Variants in IL1RAPL1 observed in about 807,000 individuals in gnomAD.
IL1RAPL1 encodes interleukin 1 receptor accessory protein like 1, also known as interleukin-1 receptor accessory protein-like 1.
In IL1RAPL1, 3 loss-of-function variants were observed where a neutral mutation model predicts 48.4. The observed-to-expected ratio is 0.06, with a 90% CI of 0.03 to 0.16. IL1RAPL1 has a LOEUF of 0.16. Among genes scored for constraint, IL1RAPL1 ranks in the 10% least tolerant of loss-of-function variants. The pLI, the probability that IL1RAPL1 is intolerant of heterozygous loss-of-function variation, is 1.00. For synonymous variants in IL1RAPL1, 185 were observed against 187.7 expected (o/e 0.99, Z 0.12); for missense variants, 349 against 530.6 (o/e 0.66, Z 3.36).
chrX:28,607,489 C>G (rs1339152299), intron 1 of IL1RAPL1, among the ~76,000 whole-genome samples: 7 of 110,713 alleles, frequency 6.3e-5, no homozygotes, highest in Non-Finnish European at 9.4e-5. Flanking sequence ...CAGGTAGTCA[C>G]CACTTCCCAC....
intron 2 of IL1RAPL1, among the ~76,000 whole-genome samples, chrX:29,176,722 A>C (rs17282570): frequency 2.1e-4 from 23 of 110,535 alleles, no homozygotes; most frequent in African/African-American, 6.6e-4. Flanking sequence ...TGGTGAATAG[A>C]CTTTCTGTAT....
At chrX:28,937,015 A>G (rs758581198) in intron 2 of IL1RAPL1, among the ~76,000 whole-genome samples, 1 of 111,017 alleles carries the variant, frequency 9.0e-6, no homozygotes, top group African/African-American at 3.3e-5. Flanking sequence ...ATCGTCTAGC[A>G]TAGTCATTTA....
chrX:29,586,560 T>A (rs1923169726), intron 5 of IL1RAPL1, among the ~76,000 whole-genome samples: 1 of 112,021 alleles, frequency 8.9e-6, no homozygotes, highest in African/African-American at 3.2e-5. Flanking sequence ...GAATTTTTTT[T>A]ACCTATTTCT....
At chrX:29,209,802 G>C (rs192430957) in intron 2 of IL1RAPL1, among the ~76,000 whole-genome samples, 28 of 112,216 alleles carry the variant, frequency 2.5e-4, no homozygotes, top group Non-Finnish European at 3.8e-4. Flanking sequence ...TACTTAATTT[G>C]ACTAAGTAGT....
chrX:29,322,323 A>T (rs1296070264), intron 3 of IL1RAPL1, among the ~76,000 whole-genome samples: 3 of 105,572 alleles, frequency 2.8e-5, no homozygotes, highest in African/African-American at 1.1e-4. Context: ...CTGGAGTGCA[A>T]TGGCACCAGC....
intron 8 of IL1RAPL1, among the ~76,000 whole-genome samples, chrX:29,940,152 C>T (rs1019676171): frequency 9.0e-6 from 1 of 111,045 alleles, no homozygotes; most frequent in South Asian, 3.8e-4. Flanking sequence ...TGTGAGCCAC[C>T]GTGCCCAGTC....
At chrX:29,103,915 A>C (rs1928395684) in intron 2 of IL1RAPL1, among the ~76,000 whole-genome samples, 2 of 111,980 alleles carry the variant, frequency 1.8e-5, no homozygotes, top group Non-Finnish European at 3.8e-5. Context: ...TCAAAACTAC[A>C]ATGAGATATC....
At chrX:28,646,130 G>T (rs192661789) in intron 1 of IL1RAPL1, among the ~76,000 whole-genome samples, 97 of 112,076 alleles carry the variant, frequency 8.7e-4, no homozygotes, top group Non-Finnish European at 1.6e-3. Context: ...TTCCATGGAC[G>T]GGGTCTGGGG....
At chrX:29,558,705 G>T (rs1308738260) in intron 5 of IL1RAPL1, among the ~76,000 whole-genome samples, 1 of 111,781 alleles carries the variant, frequency 8.9e-6, no homozygotes, top group Non-Finnish European at 1.9e-5. Context: ...TGAGTTGGTT[G>T]TTGTATGTGG....
intron 5 of IL1RAPL1, among the ~76,000 whole-genome samples, chrX:29,601,292 T>A (rs1348246100): frequency 8.9e-6 from 1 of 112,378 alleles, no homozygotes; most frequent in Non-Finnish European, 1.9e-5. Context: ...CTTAAAGAAA[T>A]TTTCCAAGTT....
At chrX:28,969,417 A>T (rs978976803) in intron 2 of IL1RAPL1, among the ~76,000 whole-genome samples, 19 of 110,605 alleles carry the variant, frequency 1.7e-4, no homozygotes, top group African/African-American at 6.2e-4. Flanking sequence ...TTCAGGCAAA[A>T]CACTGAATTT....
chrX:29,817,191 C>A (rs1290766726), intron 6 of IL1RAPL1, among the ~76,000 whole-genome samples: 1 of 111,765 alleles, frequency 8.9e-6, no homozygotes, highest in Non-Finnish European at 1.9e-5. Flanking sequence ...TGTACAATAG[C>A]TTTTGACTTG....
chrX:29,127,415 C>T (rs1928920026), intron 2 of IL1RAPL1, among the ~76,000 whole-genome samples: 1 of 111,811 alleles, frequency 8.9e-6, no homozygotes, highest in Admixed American at 9.5e-5. Flanking sequence ...CTTTGAGAAT[C>T]CCTGCTCTTG....
chrX:29,062,667 A>G (rs1569229092), intron 2 of IL1RAPL1, among the ~76,000 whole-genome samples: 1 of 111,271 alleles, frequency 9.0e-6, no homozygotes, highest in Non-Finnish European at 1.9e-5. Context: ...TCTCTTTACA[A>G]CTCTATCATA....
intron 1 of IL1RAPL1, among the ~76,000 whole-genome samples, chrX:28,595,998 T>G (rs1388012052): frequency 9.0e-6 from 1 of 111,158 alleles, no homozygotes; most frequent in African/African-American, 3.3e-5. Context: ...GCAAGCCGCT[T>G]ATGTCAGTGG....
chrX:28,913,902 C>G (rs1923422687), intron 2 of IL1RAPL1, among the ~76,000 whole-genome samples: 1 of 110,895 alleles, frequency 9.0e-6, no homozygotes, highest in Non-Finnish European at 1.9e-5. Flanking sequence ...TGTATGTTAT[C>G]AGAAATTGAA....
chrX:29,276,842 T>C (rs560150938), intron 2 of IL1RAPL1, among the ~76,000 whole-genome samples: 1 of 110,981 alleles, frequency 9.0e-6, no homozygotes, highest in East Asian at 2.8e-4. Context: ...AGATGATAGA[T>C]ACATAGATAG....
At chrX:29,787,938 A>G (rs1929539145) in intron 6 of IL1RAPL1, among the ~76,000 whole-genome samples, 1 of 112,070 alleles carries the variant, frequency 8.9e-6, no homozygotes, top group South Asian at 3.7e-4. Context: ...GCCAGAAGTC[A>G]CTATTGTCAA....
intron 6 of IL1RAPL1, among the ~76,000 whole-genome samples, chrX:29,810,587 C>T (rs770526704): frequency 6.3e-4 from 70 of 111,487 alleles, no homozygotes; most frequent in African/African-American, 2.2e-3. Flanking sequence ...TTATTGTTTC[C>T]AATATTATGT....
Sources: allele counts gnomAD v4.1 joint callset (sites outside exome capture counted in the v4.1 genomes callset), GRCh38; gene constraint gnomAD v4.1.1; transcripts MANE v1.5; gene names NCBI Gene and HGNC (gene_info 2026-07-23, HGNC 2026-07-21).